The following TLL2 variants were observed in gnomAD, a reference collection of about 807,000 sequenced individuals.
The protein encoded by TLL2 is tolloid-like protein 2.
Under a neutral mutation model 123.0 loss-of-function variants are expected in TLL2, and 106 were observed. The ratio of observed to expected loss-of-function variants is 0.86; its 90% CI spans 0.74 to 1.01. The LOEUF is 1.01. TLL2 is among the 50% of genes least tolerant of loss of function. The pLI, the probability that TLL2 is intolerant of heterozygous loss-of-function variation, is 0.00. For missense variants in TLL2, 1,332 were observed against 1,336.7 expected (o/e 1.00, Z 0.06); for synonymous variants, 494 against 516.8 (o/e 0.96, Z 0.60).
chr10:96,491,297 G>A (rs375321892), intron 1 of TLL2, among the ~76,000 whole-genome samples: 11 of 151,220 alleles, frequency 7.3e-5, no homozygotes, highest in Admixed American at 3.3e-4. Context: ...CAGGAAAATC[G>A]CTTGAATCCA....
At chr10:96,376,631 C>A in intron 18 of TLL2, 61 bp downstream of exon 18, 1 of 1,578,790 alleles carries the variant, frequency 6.3e-7, no homozygotes, top group Non-Finnish European at 8.6e-7. Flanking sequence ...AGCAGAGACT[C>A]AAACGCACAT....
At chr10:96,387,597 A>T (rs1305328990) in intron 13 of TLL2, among the ~76,000 whole-genome samples, 1 of 152,220 alleles carries the variant, frequency 6.6e-6, no homozygotes, top group Non-Finnish European at 1.5e-5. Flanking sequence ...TAAGAGAGGT[A>T]TGCACAGGGA....
At chr10:96,402,306 T>C (rs1010333647) in intron 10 of TLL2, among the ~76,000 whole-genome samples, 1 of 152,250 alleles carries the variant, frequency 6.6e-6, no homozygotes, top group Non-Finnish European at 1.5e-5. Context: ...TGGTCCTTTC[T>C]ACATTTGTGG....
At position 96,386,161 on chromosome 10, in the gene TLL2, C is replaced by T. The variant is rs770351661; in HGVS notation, c.1907G>A (p.Trp636Ter). Reference protein sequence around the residue: ...KLNGTITSPGWPKEYPTNKNC... With the variant: ...KLNGTITSPG ...TTTGTTTGTGGGATACTCCTTCGGC[C>T]ACCCAGGGCTGGTGATGGTTCCATT... Residue 636 changes from tryptophan (W) to a stop codon, truncating the protein, a stop_gained, in exon 15 of 21, where the codon TGG (tryptophan) becomes TAG (stop). Transcript: ENST00000357947. LOFTEE classifies it high-confidence loss of function. 2 of 1,612,524 alleles carry T rather than the reference C, an allele frequency of 1.2e-6. No homozygotes were observed. Among genetic ancestry groups the T allele is most frequent in the South Asian group, 1.1e-5 (1 of 90,828 alleles).
intron 10 of TLL2, among the ~76,000 whole-genome samples, chr10:96,398,175 A>T (rs1846358863): frequency 6.6e-6 from 1 of 152,176 alleles, no homozygotes; most frequent in African/African-American, 2.4e-5. Context: ...GGGGGATGGA[A>T]GTGACTTTCC....
At chr10:96,476,857 TACACAC>T (rs56240059) in intron 2 of TLL2, among the ~76,000 whole-genome samples, 21,974 of 117,064 alleles carry the variant, frequency 0.19, 1,698 homozygotes, top group Non-Finnish European at 0.2. Flanking sequence ...CCTTTTATGT[TACACAC>T]ACACACACAC....
intron 1 of TLL2, among the ~76,000 whole-genome samples, chr10:96,502,821 G>A (rs1282419116): frequency 1.3e-5 from 2 of 152,210 alleles, no homozygotes; most frequent in Non-Finnish European, 2.9e-5. Context: ...GAGGCTGGGT[G>A]CAAATTGCAG....
chr10:96,502,726 G>A (rs536950260), intron 1 of TLL2, among the ~76,000 whole-genome samples: 1 of 152,190 alleles, frequency 6.6e-6, no homozygotes, highest in South Asian at 2.1e-4. Flanking sequence ...AAGAAGGAAG[G>A]TAGCTTGAGG....
intron 1 of TLL2, among the ~76,000 whole-genome samples, chr10:96,506,457 G>A (rs1285343124): frequency 6.6e-6 from 1 of 151,334 alleles, no homozygotes; most frequent in Non-Finnish European, 1.5e-5. Flanking sequence ...TGGAGAACCA[G>A]TGGTCAGCTG....
At chr10:96,372,836 G>A (rs952815021) in intron 19 of TLL2, among the ~76,000 whole-genome samples, 4 of 152,086 alleles carry the variant, frequency 2.6e-5, no homozygotes, top group African/African-American at 4.8e-5. Flanking sequence ...GGACCACCAC[G>A]CCTCGCTATG....
chr10:96,458,248 A>G (rs1414218043), intron 2 of TLL2, among the ~76,000 whole-genome samples: 1 of 151,976 alleles, frequency 6.6e-6, no homozygotes, highest in Non-Finnish European at 1.5e-5. Context: ...GCCTTCCTCT[A>G]CTCTCAGAGA....
intron 8 of TLL2, 79 bp downstream of exon 8, chr10:96,413,113 C>T (rs942971911): frequency 1.5e-5 from 24 of 1,577,442 alleles, no homozygotes; most frequent in East Asian, 1.1e-4. Context: ...TTTAGGTCCC[C>T]CAAGTTGTTT....
chr10:96,392,233 C>T (rs866699262), intron 13 of TLL2, among the ~76,000 whole-genome samples: 2 of 152,190 alleles, frequency 1.3e-5, no homozygotes, highest in East Asian at 1.9e-4. Context: ...GGCACTTCCT[C>T]GGTCTCTTAC....
At chr10:96,431,068 A>G (rs778296316) in intron 4 of TLL2, among the ~76,000 whole-genome samples, 12 of 152,340 alleles carry the variant, frequency 7.9e-5, no homozygotes, top group South Asian at 2.1e-4. Context: ...CAAAATTCCT[A>G]TATATAAAAT....
Position 96,396,034 on chromosome 10 carries a change from C to T in TLL2, c.1385-14G>A. On this transcript the variant is annotated splice_polypyrimidine_tract_variant and intron_variant, in intron 11 of 20. Transcript: ENST00000357947. ...CCCCGCAGGTAGCTTTAGAAAGAGA[C>T]ATCAGGAGAGGAAGACGGGGGCCCT... 6.2e-7 allele frequency: 1 copy of T among 1,613,450 alleles called. No homozygotes were observed. The highest frequency in any genetic ancestry group is 8.5e-7 in the Non-Finnish European group (1 of 1,179,578).
chr10:96,432,079 A>G (rs1339233790), intron 4 of TLL2, among the ~76,000 whole-genome samples: 1 of 152,156 alleles, frequency 6.6e-6, no homozygotes, highest in African/African-American at 2.4e-5. Flanking sequence ...TTACAGGCCC[A>G]TGGTCAGGAA....
intron 3 of TLL2, among the ~76,000 whole-genome samples, chr10:96,444,960 C>T (rs968998787): frequency 1.5e-4 from 23 of 152,152 alleles, no homozygotes; most frequent in Non-Finnish European, 2.5e-4. Context: ...GAGGCCGAGG[C>T]GGGCAGATCA....
At chr10:96,482,250 T>C (rs964429147) in intron 1 of TLL2, among the ~76,000 whole-genome samples, 10 of 143,842 alleles carry the variant, frequency 7.0e-5, no homozygotes, top group Non-Finnish European at 9.1e-5. Context: ...AGAGCGAGAC[T>C]ACGTCTCAAA....
Position 96,367,919 on chromosome 10 carries a change from A to G in TLL2, c.*169T>C. The G allele has an allele frequency of 1.2e-6, 1 of 817,946 alleles. No individual in the cohort carries two copies. The highest frequency in any genetic ancestry group is 2.1e-5 in the South Asian group (1 of 46,996). 50.7% of individuals were successfully genotyped at this position (817,946 alleles called of 1,614,324 possible). ...ATTTTTCTCTCCACCTTGTTGGCCA[A>G]ACTTACAAGACTTTCATTCAAATAT... On this transcript the variant is annotated 3_prime_UTR_variant, in exon 21 of 21. Coordinates refer to ENST00000357947, the MANE Select transcript of TLL2 (RefSeq NM_012465.4).
Sources: allele counts gnomAD v4.1 joint callset (sites outside exome capture counted in the v4.1 genomes callset), GRCh38; gene constraint gnomAD v4.1.1; transcripts MANE v1.5; gene names NCBI Gene and HGNC (gene_info 2026-07-23, HGNC 2026-07-21).